Variants in UBE2Q2 observed in about 807,000 individuals in gnomAD.
UBE2Q2 encodes ubiquitin conjugating enzyme E2 Q2.
A neutral mutation model predicts 59.9 loss-of-function variants in UBE2Q2; 54 were observed. That is an observed-to-expected ratio of 0.90 (90% CI 0.72 to 1.13). The LOEUF (loss-of-function observed/expected upper bound fraction) is 1.13, where lower values mean the gene tolerates loss of function less well. UBE2Q2 is among the 50% of genes most tolerant of loss of function. The pLI, the probability that UBE2Q2 is intolerant of heterozygous loss-of-function variation, is 0.00. For synonymous variants in UBE2Q2, 165 were observed against 155.2 expected (o/e 1.06, Z -0.47); for missense variants, 433 against 441.9 (o/e 0.98, Z 0.18).
intron 3 of UBE2Q2, among the ~76,000 whole-genome samples, chr15:75,866,489 G>A (rs1346119598): frequency 2.0e-5 from 3 of 152,080 alleles, no homozygotes; most frequent in Non-Finnish European, 4.4e-5. Flanking sequence ...ATTCCTATGG[G>A]GCTTTCAGAG....
At chr15:75,851,769 A>G (rs1328332317) in intron 1 of UBE2Q2, among the ~76,000 whole-genome samples, 1 of 152,244 alleles carries the variant, frequency 6.6e-6, no homozygotes, top group Admixed American at 6.5e-5. Context: ...TTTCTCAGGC[A>G]GTCTGTAGGA....
At chr15:75,898,471 A>T (rs1314533773) in intron 12 of UBE2Q2, among the ~76,000 whole-genome samples, 1 of 152,204 alleles carries the variant, frequency 6.6e-6, no homozygotes, top group Non-Finnish European at 1.5e-5. Flanking sequence ...TAGCTAATTA[A>T]CCTAGGCATC....
intron 12 of UBE2Q2, among the ~76,000 whole-genome samples, chr15:75,897,785 C>T (rs1054829933): frequency 3.9e-5 from 6 of 151,902 alleles, no homozygotes; most frequent in Non-Finnish European, 7.4e-5. Context: ...ATCCTCCTGC[C>T]TCAGTCTCCT....
chr15:75,890,804 T>C, intron 10 of UBE2Q2, 115 bp from the exon 11 acceptor site: 1 of 879,810 alleles, frequency 1.1e-6, no homozygotes, highest in Non-Finnish European at 1.8e-6. Flanking sequence ...TCCCCTTGAC[T>C]ACAGTCTTTT....
chr15:75,889,403 T>C (rs1189616327), intron 9 of UBE2Q2, among the ~76,000 whole-genome samples: 2 of 152,224 alleles, frequency 1.3e-5, no homozygotes, highest in African/African-American at 4.8e-5. Context: ...GTAACAATTA[T>C]TAATGTTAGT....
At chr15:75,889,137 A>C (rs963919702) in intron 9 of UBE2Q2, among the ~76,000 whole-genome samples, 3 of 152,382 alleles carry the variant, frequency 2.0e-5, no homozygotes, top group East Asian at 1.9e-4. Context: ...AGGAGAGTTA[A>C]AGAGTGGAAG....
Position 75,896,877 on chromosome 15 carries a change from A to G in UBE2Q2, c.1030-118A>G, listed in dbSNP as rs189430723. 2.1e-4 allele frequency: 108 copies of G among 514,902 alleles called. No individual in the cohort carries two copies. The East Asian group carries it at 2.3e-3, about 11-fold the overall frequency. 31.9% of individuals were successfully genotyped at this position (514,902 alleles called of 1,614,324 possible). On this transcript the variant is annotated intron_variant, in intron 11 of 12. Transcript: ENST00000267938. ...GGCTATTAAGTTAAAATTGTTTTTGAAATGGAGATAGTCAGTTTCCCATGT... is the reference window on the plus strand; with the variant it reads ...GGCTATTAAGTTAAAATTGTTTTTGGAATGGAGATAGTCAGTTTCCCATGT...
At chr15:75,888,729 A>G (rs967215362) in intron 9 of UBE2Q2, among the ~76,000 whole-genome samples, 3 of 152,206 alleles carry the variant, frequency 2.0e-5, no homozygotes, top group East Asian at 1.9e-4. Context: ...TACTTTTTGT[A>G]TAGGTACTAG....
chr15:75,872,743 A>G (rs1273052267), intron 4 of UBE2Q2, among the ~76,000 whole-genome samples: 2 of 152,060 alleles, frequency 1.3e-5, no homozygotes, highest in East Asian at 3.9e-4. Context: ...AAACTTGGAA[A>G]TTAGGGGAAA....
intron 9 of UBE2Q2, among the ~76,000 whole-genome samples, chr15:75,886,114 A>G (rs1008510021): frequency 1.5e-5 from 2 of 133,690 alleles, no homozygotes; most frequent in Non-Finnish European, 3.2e-5. Flanking sequence ...TGACATAACT[A>G]TTGTGTTTTA....
intron 12 of UBE2Q2, among the ~76,000 whole-genome samples, chr15:75,898,439 A>G (rs912384595): frequency 6.6e-6 from 1 of 152,204 alleles, no homozygotes; most frequent in Non-Finnish European, 1.5e-5. Context: ...TGAAGTATAC[A>G]TAACTGTGGA....
Position 75,890,217 on chromosome 15 carries a change from GA to G in UBE2Q2, c.885-212del, listed in dbSNP as rs371497031. Among the ~76,000 whole-genome samples, 888 of 152,274 alleles carry G rather than the reference GA, an allele frequency of 5.8e-3. 10 individuals are homozygous for G. The highest frequency in any genetic ancestry group is 0.02 in the African/African-American group (843 of 41,554). ...AAGTATTATGTTCTAAGAACCATTAGAAAAAATTGACTAGAATTTCAGAGGG... is the reference window on the plus strand; with the variant it reads ...AAGTATTATGTTCTAAGAACCATTAGAAAAATTGACTAGAATTTCAGAGGG... On this transcript the variant is annotated intron_variant, in intron 9 of 12. Transcript: ENST00000267938.
intron 2 of UBE2Q2, among the ~76,000 whole-genome samples, chr15:75,858,811 A>C (rs1372357130): frequency 6.6e-6 from 1 of 152,236 alleles, no homozygotes; most frequent in Non-Finnish European, 1.5e-5. Context: ...TCAAATCCAC[A>C]CTGGAGCTTG....
intron 10 of UBE2Q2, 135 bp downstream of exon 10, chr15:75,890,618 C>T (rs1380775127): frequency 1.2e-6 from 1 of 802,104 alleles, no homozygotes; most frequent in African/African-American, 1.8e-5. Context: ...CGTCTACTTT[C>T]AAGAATGAAA....
Position 75,881,084 on chromosome 15 carries a change from T to A in UBE2Q2, c.825+1896T>A, listed in dbSNP as rs562922906. Among the ~76,000 whole-genome samples, 16 of 152,288 alleles carry A rather than the reference T, an allele frequency of 1.1e-4. No individual in the cohort carries two copies. In the South Asian group the frequency reaches 3.3e-3, roughly 32 times the overall value. ...GGTATATATTGACTGAAGTTGCTAA[T>A]GGCTACATTTTTACTAATTCATATG... On this transcript the variant is annotated intron_variant, in intron 8 of 12. Coordinates refer to ENST00000267938, the MANE Select transcript of UBE2Q2 (RefSeq NM_173469.4).
intron 1 of UBE2Q2, among the ~76,000 whole-genome samples, chr15:75,849,950 C>A (rs74024005): frequency 0.078 from 11,856 of 152,118 alleles, 1,140 homozygotes; most frequent in African/African-American, 0.23. Flanking sequence ...AAATAGTAGG[C>A]AAACTTATCT....
At chr15:75,895,858 C>CA (rs759267240) in intron 11 of UBE2Q2, among the ~76,000 whole-genome samples, 6 of 152,122 alleles carry the variant, frequency 3.9e-5, no homozygotes, top group Non-Finnish European at 8.8e-5. Flanking sequence ...TATCTTTTGA[C>CA]ACAGCAGCTC....
chr15:75,862,735 A>G (rs1017652606), intron 3 of UBE2Q2, among the ~76,000 whole-genome samples: 12 of 144,364 alleles, frequency 8.3e-5, no homozygotes, highest in Non-Finnish European at 1.3e-4. Context: ...GGATCAGTTG[A>G]GCCTATGAGG....
chr15:75,862,913 A>C (rs1897270634), intron 3 of UBE2Q2, among the ~76,000 whole-genome samples: 1 of 151,396 alleles, frequency 6.6e-6, no homozygotes, highest in South Asian at 2.1e-4. Flanking sequence ...GCTGATTCCC[A>C]ATTGTTATTC....
Sources: allele counts gnomAD v4.1 joint callset (sites outside exome capture counted in the v4.1 genomes callset), GRCh38; gene constraint gnomAD v4.1.1; transcripts MANE v1.5; gene names NCBI Gene and HGNC (gene_info 2026-07-23, HGNC 2026-07-21).